Variants in ZFP1 observed in about 807,000 individuals in gnomAD.
ZFP1 encodes zinc finger protein 1 homolog.
A neutral mutation model predicts 38.5 loss-of-function variants in ZFP1; 32 were observed. The ratio of observed to expected loss-of-function variants is 0.83; its 90% CI spans 0.63 to 1.12. The LOEUF (loss-of-function observed/expected upper bound fraction) is 1.12, where lower values mean the gene tolerates loss of function less well. Ranked by LOEUF, ZFP1 falls within the 50% of genes most tolerant of loss-of-function variation. The probability of loss-of-function intolerance (pLI) is 0.00; values close to 1 mark genes in which losing one functional copy is unlikely to be tolerated. For missense variants in ZFP1, 616 were observed against 480.8 expected (o/e 1.28, Z -2.63); for synonymous variants, 245 against 168.8 (o/e 1.45, Z -3.50).
chr16:75,141,869 G>T, the ZFP1 span, among the ~76,000 whole-genome samples: 1 of 151,626 alleles, frequency 6.6e-6, no homozygotes, highest in Admixed American at 6.6e-5. Flanking sequence ...TGGCCAAAAT[G>T]GTGAAATCCC....
the ZFP1 span, among the ~76,000 whole-genome samples, chr16:75,137,720 C>T: frequency 2.0e-5 from 3 of 151,972 alleles, no homozygotes; most frequent in African/African-American, 7.2e-5. Flanking sequence ...CCCGCCTTGG[C>T]TTCCCAAAGT....
At chr16:75,155,199 C>T (rs77221344) in intron 2 of ZFP1, among the ~76,000 whole-genome samples, 8,641 of 152,280 alleles carry the variant, frequency 0.057, 453 homozygotes, top group African/African-American at 0.14. Flanking sequence ...GATGTGAACA[C>T]GGTTTACTGC....
chr16:75,153,225 C>T (rs1221474021), intron 2 of ZFP1, among the ~76,000 whole-genome samples: 1 of 152,092 alleles, frequency 6.6e-6, no homozygotes, highest in African/African-American at 2.4e-5. Context: ...TGGACAGCAC[C>T]CCCAGAAACA....
At chr16:75,161,195 G>C (rs907828507) in intron 2 of ZFP1, among the ~76,000 whole-genome samples, 1 of 152,104 alleles carries the variant, frequency 6.6e-6, no homozygotes, top group East Asian at 1.9e-4. Context: ...AGCCTCCCGA[G>C]TAGCTGGGAT....
chr16:75,142,201 CAAA>C, the ZFP1 span, among the ~76,000 whole-genome samples: 15 of 110,006 alleles, frequency 1.4e-4, no homozygotes, highest in African/African-American at 4.3e-4. Context: ...ACTAAAAATA[CAAA>C]AAAAAAAAAA....
intron 3 of ZFP1, among the ~76,000 whole-genome samples, chr16:75,168,295 T>C (rs1567541192): frequency 6.6e-6 from 1 of 152,184 alleles, no homozygotes; most frequent in African/African-American, 2.4e-5. Context: ...ATCTGTTGTT[T>C]GACTTAATGA....
the ZFP1 span, among the ~76,000 whole-genome samples, chr16:75,140,623 G>A: frequency 1.3e-5 from 2 of 152,152 alleles, no homozygotes; most frequent in Admixed American, 6.6e-5. Context: ...ACAAACTTAC[G>A]CAAGCATTGC....
At chr16:75,128,293 T>C in the ZFP1 span, among the ~76,000 whole-genome samples, 2 of 152,238 alleles carry the variant, frequency 1.3e-5, no homozygotes, top group East Asian at 3.8e-4. Flanking sequence ...TACAAATTCA[T>C]GGCTGGGCTC....
the ZFP1 span, among the ~76,000 whole-genome samples, chr16:75,126,585 G>A: frequency 2.0e-5 from 3 of 151,016 alleles, no homozygotes; most frequent in Admixed American, 6.6e-5. Flanking sequence ...TGTATTTTTA[G>A]TAGAGATGGG....
chr16:75,130,799 G>A, the ZFP1 span, among the ~76,000 whole-genome samples: 7 of 151,428 alleles, frequency 4.6e-5, no homozygotes, highest in African/African-American at 1.7e-4. Context: ...ATCCCTTCAA[G>A]TATTTTACAG....
chr16:75,163,520 C>T (rs1390916188), intron 2 of ZFP1, among the ~76,000 whole-genome samples: 1 of 151,826 alleles, frequency 6.6e-6, no homozygotes, highest in East Asian at 1.9e-4. Flanking sequence ...CCATGTTGTC[C>T]AGGCTGGTAT....
At position 75,171,919 on chromosome 16, in the gene ZFP1, C is replaced by T. The variant is rs970776702; in HGVS notation, c.*1585C>T. The stretch of plus-strand genomic sequence containing the variant: ...GTGAGTCTGTTTTAACATTAATATA[C>T]TCTTACAACCTAGGAATCTCCTGGG... On this transcript the variant is annotated 3_prime_UTR_variant, in exon 4 of 4. Transcript: ENST00000570010. The T allele has an allele frequency of 1.1e-4, 16 of 152,274 alleles. No individual in the cohort carries two copies. Among genetic ancestry groups the T allele is most frequent in the Admixed American group, 9.2e-4 (14 of 15,292 alleles). 9.4% of individuals were successfully genotyped at this position (152,274 alleles called of 1,614,324 possible).
intron 2 of ZFP1, among the ~76,000 whole-genome samples, chr16:75,165,834 G>A (rs1367860057): frequency 6.6e-6 from 1 of 151,936 alleles, no homozygotes; most frequent in Non-Finnish European, 1.5e-5. Context: ...TGTTTCCACT[G>A]CCTCTGCTGG....
At chr16:75,161,828 A>G (rs1238440061) in intron 2 of ZFP1, among the ~76,000 whole-genome samples, 1 of 107,402 alleles carries the variant, frequency 9.3e-6, no homozygotes, top group Non-Finnish European at 1.8e-5. Flanking sequence ...CTTGTCATCC[A>G]GGCTGGAATG....
chr16:75,138,516 G>A, the ZFP1 span, among the ~76,000 whole-genome samples: 1 of 152,326 alleles, frequency 6.6e-6, no homozygotes, highest in Non-Finnish European at 1.5e-5. Flanking sequence ...GTCGAATCAC[G>A]TCCTCCCAAA....
chr16:75,169,331 A>G lies in ZFP1; in HGVS notation c.221A>G (p.Lys74Arg), dbSNP rs2038286934. Residue 74 changes from lysine (K) to arginine (R), a missense_variant, in exon 4 of 4, where the codon AAG becomes AGG. By Grantham distance (26) the Lys-to-Arg change is conservative. Transcript: ENST00000570010. ...DEQARQFLIL[K>R]NQTPIEERGD... ...CAGGCGAGGCAATTTTTAATTCTTA[A>G]GAACCAAACCCCAATTGAGGAAAGA... is the stretch of plus-strand genomic sequence containing the variant. 1.2e-6 allele frequency: 2 copies of G among 1,614,198 alleles called. No homozygotes were observed. Among genetic ancestry groups the G allele is most frequent in the Non-Finnish European group, 1.7e-6 (2 of 1,180,022 alleles).
At chr16:75,144,530 T>C (rs570524805), upstream of ZFP1, among the ~76,000 whole-genome samples, 2 of 152,202 alleles carry the variant, frequency 1.3e-5, no homozygotes, top group African/African-American at 4.8e-5. Context: ...TTCCATAAGA[T>C]TATAGGTTAT....
the ZFP1 span, among the ~76,000 whole-genome samples, chr16:75,120,702 C>T: frequency 1.7e-4 from 26 of 152,090 alleles, 2 homozygotes; most frequent in East Asian, 7.7e-4. Flanking sequence ...CCCGGGTTCA[C>T]GCCATTCTCC....
chr16:75,163,694 C>G (rs1411434546), intron 2 of ZFP1, among the ~76,000 whole-genome samples: 1 of 151,814 alleles, frequency 6.6e-6, no homozygotes, highest in Non-Finnish European at 1.5e-5. Context: ...TCACTGTAGC[C>G]TTGACCTCCC....
Sources: gnomAD v4.1 joint callset for allele counts (sites outside exome capture counted in the v4.1 genomes callset) on GRCh38, gnomAD v4.1.1 for gene constraint, MANE v1.5 for transcripts, NCBI Gene and HGNC (gene_info 2026-07-23, HGNC 2026-07-21) for gene names.